The following WDR20 variants were observed in gnomAD, a reference collection of about 807,000 sequenced individuals.
WDR20 encodes the protein WD repeat domain 20, also known as WD repeat-containing protein 20.
A neutral mutation model predicts 38.7 loss-of-function variants in WDR20; 3 were observed. The observed-to-expected ratio is 0.08, with a 90% CI of 0.04 to 0.20. WDR20 has a LOEUF of 0.20. Among genes scored for constraint, WDR20 ranks in the 10% least tolerant of loss-of-function variants. WDR20 has a pLI of 1.00. For synonymous variants in WDR20, 298 were observed against 285.6 expected, an observed-to-expected ratio of 1.04 and a Z score of -0.44; for missense variants, 559 against 727.7, an observed-to-expected ratio of 0.77 and a Z score of 2.67.
Position 102,209,930 on chromosome 14 carries a change from G to A in WDR20, c.*50G>A, listed in dbSNP as rs956851044. On this transcript the variant is annotated 3_prime_UTR_variant, in exon 3 of 3. Coordinates refer to ENST00000342702, the MANE Select transcript of WDR20 (RefSeq NM_144574.4). This position sits in a 1 kb window ranked among gnomAD's most constrained non-coding sequence, Gnocchi z 6.0. ...ATAGGTAGTGACTTTTTTCTTTTTC[G>A]TGGGAGGGGTGGGGTGTACAATGAA... is the stretch of plus-strand genomic sequence containing the variant. The A allele has an allele frequency of 8.5e-6, 13 of 1,527,256 alleles. No homozygotes were observed. The highest frequency in any genetic ancestry group is 1.8e-4 in the Middle Eastern group (1 of 5,696). 94.6% of individuals were successfully genotyped at this position (1,527,256 alleles called of 1,614,324 possible). A position where few individuals can be genotyped will look rare whatever the true frequency, so the allele number is the denominator to read the frequency against.
At chr14:102,195,735 C>T (rs1301082507) in intron 2 of WDR20, 2 of 152,302 alleles carry the variant, frequency 1.3e-5, no homozygotes, top group Non-Finnish European at 2.9e-5. Flanking sequence ...TCTGAGCTGT[C>T]TGTTCAGGAA....
At chr14:102,197,146 TGAG>T (rs896825424) in intron 2 of WDR20, among the ~76,000 whole-genome samples, 1 of 152,136 alleles carries the variant, frequency 6.6e-6, no homozygotes, top group Admixed American at 6.5e-5. Flanking sequence ...ATTTTACAGA[TGAG>T]GAAATAGTCA....
At chr14:102,139,517 C>T, upstream of WDR20, 1 of 1,144,812 alleles carries the variant, frequency 8.7e-7, no homozygotes, top group Non-Finnish European at 1.2e-6. Flanking sequence ...GGCGGGAGAC[C>T]GCTGAGGAGG....
intron 1 of WDR20, among the ~76,000 whole-genome samples, chr14:102,151,880 T>C (rs1323250036): frequency 6.6e-6 from 1 of 151,682 alleles, no homozygotes; most frequent in Non-Finnish European, 1.5e-5. Flanking sequence ...GCTGAGTCTA[T>C]AGGAGCATGC....
intron 1 of WDR20, among the ~76,000 whole-genome samples, chr14:102,169,829 T>G (rs146976886): frequency 6.6e-6 from 1 of 152,262 alleles, no homozygotes; most frequent in East Asian, 1.9e-4. Context: ...CGCCCGGCCT[T>G]TCTCAAGTAA....
At position 102,222,875 on chromosome 14, in the gene WDR20, G is replaced by T. The variant is rs1478505020; in HGVS notation, c.1738G>T (p.Val580Leu). The T allele has an allele frequency of 6.2e-7, 1 of 1,614,110 alleles. No individual in the cohort carries two copies. The highest frequency in any genetic ancestry group is 1.3e-5 in the African/African-American group (1 of 74,944). The change falls in exon 4 of 4, where the codon GTA becomes TTA. Residue 580 changes from valine to leucine, a missense_variant. Transcript: ENST00000335263. This position sits in a 1 kb window ranked among gnomAD's most constrained non-coding sequence, Gnocchi z 4.4. ...CCAGGCCAGTTCTCCAGGTGGAACT[G>T]TAGTGTAGCGACCTCACTGCTGCGC...
downstream of WDR20, chr14:102,213,219 T>G: frequency 7.1e-6 from 7 of 985,468 alleles, no homozygotes; most frequent in Non-Finnish European, 8.4e-6. Context: ...CTCTGAGGCT[T>G]TTTTCTTATT....
At chr14:102,212,921 CTCAG>C, downstream of WDR20, 2 of 1,089,636 alleles carry the variant, frequency 1.8e-6, no homozygotes, top group Non-Finnish European at 2.2e-6. Flanking sequence ...CTGTTAAATA[CTCAG>C]TCAGCATCAC....
chr14:102,166,756 T>C (rs987589772), intron 1 of WDR20, among the ~76,000 whole-genome samples: 16 of 152,242 alleles, frequency 1.1e-4, no homozygotes. Flanking sequence ...TATGCCTTAC[T>C]GTCTTGTCAC....
intron 1 of WDR20, among the ~76,000 whole-genome samples, chr14:102,155,937 ATTT>A (rs372247826): frequency 1.5e-5 from 2 of 133,276 alleles, no homozygotes; most frequent in Non-Finnish European, 3.3e-5. Flanking sequence ...CTAATTTTTA[ATTT>A]TTTTTTTTTT....
At position 102,177,027 on chromosome 14, in the gene WDR20, C is replaced by T. The variant is rs566418424; in HGVS notation, c.250-17911C>T. ...ACAGGCGTAAGCCACCGTGCCCCAC[C>T]TTGCAGTTACCATTTCTACCATGTG... On this transcript the variant is annotated intron_variant, in intron 1 of 2. Transcript: ENST00000342702. Among the ~76,000 whole-genome samples, 113 of 152,314 alleles carry T rather than the reference C, an allele frequency of 7.4e-4. 1 individual carries two copies. The highest frequency in any genetic ancestry group is 1.3e-3 in the Admixed American group (20 of 15,300).
chr14:102,210,197 A>G lies in WDR20; in HGVS notation c.*317A>G, dbSNP rs1017866115. ...AAAATCATGACCATGTGGGGAAACA[A>G]TGACTTTAAAATGCTGAAATTAAAA... On this transcript the variant is annotated 3_prime_UTR_variant, in exon 3 of 3. Transcript: ENST00000342702. The G allele has an allele frequency of 6.6e-6, 7 of 1,056,150 alleles. No individual in the cohort carries two copies. Among genetic ancestry groups the G allele is most frequent in the Non-Finnish European group, 8.0e-6 (7 of 875,302 alleles). The allele number at this position is 1,056,150 out of a possible 1,614,324, so 65.4% of individuals were successfully genotyped here. A position where few individuals can be genotyped will look rare whatever the true frequency, so the allele number is the denominator to read the frequency against.
At chr14:102,219,558 C>CT (rs2063643343), downstream of WDR20, among the ~76,000 whole-genome samples, 1 of 152,250 alleles carries the variant, frequency 6.6e-6, no homozygotes, top group Admixed American at 6.5e-5. Flanking sequence ...TGGGCCTTCG[C>CT]TTCGCCTTCC....
intron 2 of WDR20, among the ~76,000 whole-genome samples, chr14:102,206,733 C>T (rs554745495): frequency 2.0e-4 from 30 of 152,278 alleles, no homozygotes; most frequent in African/African-American, 7.0e-4. Flanking sequence ...AGGCCCTGGG[C>T]GATCAGGTAC....
chr14:102,173,566 C>T (rs2061438940), intron 1 of WDR20, among the ~76,000 whole-genome samples: 1 of 151,356 alleles, frequency 6.6e-6, no homozygotes, highest in African/African-American at 2.4e-5. Flanking sequence ...TTTGGTGCAG[C>T]CATCACCTGA....
intron 1 of WDR20, among the ~76,000 whole-genome samples, chr14:102,191,740 A>C (rs958810105): frequency 6.6e-6 from 1 of 152,178 alleles, no homozygotes; most frequent in African/African-American, 2.4e-5. Flanking sequence ...GGTCAGTGCC[A>C]CTGGAAAGGG....
intron 1 of WDR20, among the ~76,000 whole-genome samples, chr14:102,177,580 C>T (rs1005030592): frequency 6.6e-6 from 1 of 152,058 alleles, no homozygotes; most frequent in African/African-American, 2.4e-5. Context: ...TATTGCAAGT[C>T]GACTCACAAG....
chr14:102,215,023 A>G, downstream of WDR20: 1 of 975,970 alleles, frequency 1.0e-6, no homozygotes, highest in Non-Finnish European at 1.2e-6. Flanking sequence ...AATTTTCAGT[A>G]GTCATTTTCA....
At chr14:102,173,136 G>A (rs2061318622) in intron 1 of WDR20, among the ~76,000 whole-genome samples, 1 of 150,958 alleles carries the variant, frequency 6.6e-6, no homozygotes, top group Non-Finnish European at 1.5e-5. Flanking sequence ...TTTTTTGGAG[G>A]CAGCCTTATT....
Sources: allele counts gnomAD v4.1 joint callset (sites outside exome capture counted in the v4.1 genomes callset), GRCh38; gene constraint gnomAD v4.1.1; non-coding constraint Gnocchi (gnomAD v3.1); transcripts MANE v1.5; gene names NCBI Gene and HGNC (gene_info 2026-07-23, HGNC 2026-07-21).